NIBAN1: variants seen among roughly 807,000 people sequenced by gnomAD.
The protein encoded by NIBAN1 is protein Niban 1.
A neutral mutation model predicts 75.1 loss-of-function variants in NIBAN1; 81 were observed. The ratio of observed to expected loss-of-function variants is 1.08; its 90% CI spans 0.90 to 1.30. NIBAN1 has a LOEUF of 1.30. Among genes scored for constraint, NIBAN1 ranks in the 50% most tolerant of loss-of-function variants. The pLI, the probability that NIBAN1 is intolerant of heterozygous loss-of-function variation, is 0.00. For missense variants in NIBAN1, 1,133 were observed against 1,128.1 expected (o/e 1.00, Z -0.06); for synonymous variants, 436 against 424.8 (o/e 1.03, Z -0.32).
chr1:184,860,477 CTG>C (rs1356772056), intron 5 of NIBAN1, among the ~76,000 whole-genome samples: 2 of 151,958 alleles, frequency 1.3e-5, no homozygotes. Context: ...AAAACAAAAA[CTG>C]AATATTATTT....
intron 1 of NIBAN1, among the ~76,000 whole-genome samples, chr1:184,915,023 A>G (rs1285811396): frequency 6.6e-6 from 1 of 152,206 alleles, no homozygotes. Context: ...TGCCCAGCCC[A>G]TTAACTTTCA....
At chr1:184,961,057 CTTTTTTTTTTTTTTTT>C (rs1168955438) in intron 1 of NIBAN1, among the ~76,000 whole-genome samples, 2 of 57,810 alleles carry the variant, frequency 3.5e-5, no homozygotes, top group Non-Finnish European at 3.1e-5. Context: ...ATATGCCGTT[CTTTTTTTTTTTTTTTT>C]TTTTTTTTTT....
chr1:184,801,043 T>C (rs1005237216), intron 12 of NIBAN1, among the ~76,000 whole-genome samples: 3 of 152,144 alleles, frequency 2.0e-5, no homozygotes, highest in African/African-American at 7.2e-5. Context: ...GGGATCAAAA[T>C]GTACCAAATC....
Position 184,791,211 on chromosome 1 carries a change from A to G in NIBAN1, c.*3766T>C. 1 of 348,374 alleles carries G rather than the reference A, an allele frequency of 2.9e-6. No individual in the cohort carries two copies. The highest frequency in any genetic ancestry group is 5.7e-6 in the Non-Finnish European group (1 of 176,384). The allele number at this position is 348,374 out of a possible 1,614,324, so 21.6% of individuals were successfully genotyped here. A position where few individuals can be genotyped will look rare whatever the true frequency, so the allele number is the denominator to read the frequency against. On this transcript the variant is annotated 3_prime_UTR_variant, in exon 14 of 14. Coordinates refer to ENST00000367511, the MANE Select transcript of NIBAN1 (RefSeq NM_052966.4). Reference sequence around the variant, plus strand: ...CCCTCAAACCCGTCTCTTTATGGTAAAGTGTGAAGGCACATGTTGCCAACT... The same window carrying G: ...CCCTCAAACCCGTCTCTTTATGGTAGAGTGTGAAGGCACATGTTGCCAACT...
At position 184,791,982 on chromosome 1, in the gene NIBAN1, G is replaced by T. The variant is rs1358500727; in HGVS notation, c.*2995C>A. Reference sequence around the variant, plus strand: ...AACTTTTTTTTTTTTTTTGAGACAGGGTCTCATTTTGTTGCCCAAGCTGGA... The same window carrying T: ...AACTTTTTTTTTTTTTTTGAGACAGTGTCTCATTTTGTTGCCCAAGCTGGA... On this transcript the variant is annotated 3_prime_UTR_variant, in exon 14 of 14. Coordinates refer to ENST00000367511, the MANE Select transcript of NIBAN1 (RefSeq NM_052966.4). 5 of 149,606 alleles carry T rather than the reference G, an allele frequency of 3.3e-5. No homozygotes were observed. The highest frequency in any genetic ancestry group is 7.4e-5 in the Non-Finnish European group (5 of 67,650). 9.3% of individuals were successfully genotyped at this position (149,606 alleles called of 1,614,324 possible).
At position 184,856,602 on chromosome 1, in the gene NIBAN1, C is replaced by A. The variant is rs766273275; in HGVS notation, c.602-24640G>T. Among the ~76,000 whole-genome samples, 4 of 152,102 alleles carry A rather than the reference C, an allele frequency of 2.6e-5. No homozygotes were observed. The South Asian group carries it at 6.2e-4, about 24-fold the overall frequency. On this transcript the variant is annotated intron_variant, in intron 5 of 13. Transcript: ENST00000367511. ...CAAATTATTCCTCCTATCACCTAAT[C>A]ATTATTATATATTCACTCACTCCCC...
intron 2 of NIBAN1, among the ~76,000 whole-genome samples, chr1:184,896,153 T>C (rs1656795435): frequency 6.6e-6 from 1 of 152,190 alleles, no homozygotes; most frequent in Non-Finnish European, 1.5e-5. Flanking sequence ...TCCGTAGGGG[T>C]TGAACTAATT....
intron 6 of NIBAN1, among the ~76,000 whole-genome samples, chr1:184,829,067 T>C (rs566684143): frequency 6.6e-6 from 1 of 152,224 alleles, no homozygotes; most frequent in Non-Finnish European, 1.5e-5. Context: ...TCCAAAGTGC[T>C]AAGATTACAG....
Position 184,968,585 on chromosome 1 carries a change from T to A in NIBAN1, c.55+5717A>T, listed in dbSNP as rs957834253. Among the ~76,000 whole-genome samples the A allele has an allele frequency of 3.9e-5, 6 of 152,282 alleles. No individual in the cohort carries two copies. In the Middle Eastern group the frequency reaches 0.01, roughly 259 times the overall value. ...CAAAAGCCTATTCATGTCTACAAATTTAGAGCTGAGACAAATACTATAATC... is the reference window on the plus strand; with the variant it reads ...CAAAAGCCTATTCATGTCTACAAATATAGAGCTGAGACAAATACTATAATC... On this transcript the variant is annotated intron_variant, in intron 1 of 13. Transcript: ENST00000367511.
chr1:184,944,018 C>T (rs1429491970), intron 1 of NIBAN1, among the ~76,000 whole-genome samples: 1 of 152,196 alleles, frequency 6.6e-6, no homozygotes, highest in Admixed American at 6.5e-5. Context: ...ACACATTGTA[C>T]AGCAACAGCT....
intron 1 of NIBAN1, among the ~76,000 whole-genome samples, chr1:184,968,342 A>G (rs1487984567): frequency 1.3e-5 from 2 of 152,254 alleles, no homozygotes; most frequent in African/African-American, 2.4e-5. Flanking sequence ...AGGAAATAGA[A>G]AGTAATTATT....
intron 9 of NIBAN1, among the ~76,000 whole-genome samples, chr1:184,809,555 T>A (rs1654308273): frequency 6.6e-6 from 1 of 151,918 alleles, no homozygotes; most frequent in South Asian, 2.1e-4. Context: ...CCTGGCTATC[T>A]TGTCTTAGGA....
At chr1:184,952,792 G>A (rs1235152872) in intron 1 of NIBAN1, among the ~76,000 whole-genome samples, 2 of 152,152 alleles carry the variant, frequency 1.3e-5, no homozygotes, top group African/African-American at 4.8e-5. Context: ...TTTCACTAAT[G>A]AGAAAACCGA....
intron 9 of NIBAN1, 28 bp from the exon 10 acceptor site, chr1:184,808,263 A>G (rs1557871971): frequency 6.2e-7 from 1 of 1,610,120 alleles, no homozygotes; most frequent in Non-Finnish European, 8.5e-7. Context: ...GAAACATTAA[A>G]CACCCTCAGA....
At chr1:184,885,015 C>T (rs894530571) in intron 4 of NIBAN1, among the ~76,000 whole-genome samples, 3 of 152,100 alleles carry the variant, frequency 2.0e-5, no homozygotes, top group Non-Finnish European at 4.4e-5. Flanking sequence ...GCCTCCTACC[C>T]AACATCACAG....
At chr1:184,879,305 T>A (rs1045573611) in intron 5 of NIBAN1, among the ~76,000 whole-genome samples, 1 of 152,332 alleles carries the variant, frequency 6.6e-6, no homozygotes, top group Non-Finnish European at 1.5e-5. Context: ...CTAAACATTA[T>A]TAGTTTGTAC....
intron 2 of NIBAN1, among the ~76,000 whole-genome samples, chr1:184,895,533 T>TTCTC (rs1354399618): frequency 1.3e-5 from 2 of 152,340 alleles, no homozygotes; most frequent in Non-Finnish European, 2.9e-5. Context: ...TTATCACTTA[T>TTCTC]TCTCTCTTGA....
At chr1:184,802,424 G>C (rs1434283555) in intron 12 of NIBAN1, among the ~76,000 whole-genome samples, 1 of 152,126 alleles carries the variant, frequency 6.6e-6, no homozygotes, top group Admixed American at 6.5e-5. Context: ...GAACATCTGT[G>C]TGCAAACCCA....
chr1:184,817,061 G>A (rs189735670), intron 9 of NIBAN1, among the ~76,000 whole-genome samples: 67 of 152,140 alleles, frequency 4.4e-4, no homozygotes, highest in Admixed American at 1.9e-3. Context: ...CATGTGTGAT[G>A]TTCCCTGCCA....
Sources: gnomAD v4.1 joint callset for allele counts (sites outside exome capture counted in the v4.1 genomes callset) on GRCh38, gnomAD v4.1.1 for gene constraint, MANE v1.5 for transcripts, NCBI Gene and HGNC (gene_info 2026-07-23, HGNC 2026-07-21) for gene names.